CXADR: variants seen among roughly 807,000 people sequenced by gnomAD.
CXADR encodes CXADR cell adhesion molecule.
CXADR carries 20 observed loss-of-function variants against 40.3 expected under a neutral mutation model. The observed-to-expected ratio is 0.50, with a 90% CI of 0.35 to 0.72. The LOEUF is 0.72. CXADR is among the 30% of genes least tolerant of loss of function. The pLI is 0.01. For synonymous variants in CXADR, 150 were observed against 161.3 expected (o/e 0.93, Z 0.53); for missense variants, 332 against 449.1 (o/e 0.74, Z 2.36).
rs776329409 is a variant in CXADR at position 17,555,244 on chromosome 21, A to G, written c.415+3291A>G. Among the ~76,000 whole-genome samples, 6 of 152,186 alleles carry G rather than the reference A, an allele frequency of 3.9e-5. No homozygotes were observed. The East Asian group carries it at 5.8e-4, about 15-fold the overall frequency. Reference sequence around the variant, plus strand: ...CATGCACAGTTAACAATTCCTGGACATATATGGTATACTCCCACTGCACCA... The same window carrying G: ...CATGCACAGTTAACAATTCCTGGACGTATATGGTATACTCCCACTGCACCA... On this transcript the variant is annotated intron_variant, in intron 3 of 6. Transcript: ENST00000284878.
intron 1 of CXADR, among the ~76,000 whole-genome samples, chr21:17,522,923 T>A (rs2060549906): frequency 6.6e-6 from 1 of 152,250 alleles, no homozygotes; most frequent in Non-Finnish European, 1.5e-5. Flanking sequence ...CTCTCTCATA[T>A]TAATTGGCAT....
the CXADR span, among the ~76,000 whole-genome samples, chr21:17,617,385 A>T: frequency 2.0e-5 from 3 of 152,314 alleles, no homozygotes; most frequent in African/African-American, 7.2e-5. Context: ...TGAGTAATGC[A>T]TAAACTCCTA....
intron 3 of CXADR, among the ~76,000 whole-genome samples, chr21:17,556,740 A>G (rs573927468): frequency 3.9e-5 from 6 of 152,332 alleles, no homozygotes; most frequent in African/African-American, 1.4e-4. Context: ...GTTTGGAAAA[A>G]TCAACAGTGC....
At chr21:17,552,071 C>A in intron 3 of CXADR, 118 bp downstream of exon 3, 1 of 736,838 alleles carries the variant, frequency 1.4e-6, no homozygotes, top group Non-Finnish European at 2.2e-6. Context: ...CAATTTTAAA[C>A]ACTTGAAGTA....
the CXADR span, among the ~76,000 whole-genome samples, chr21:17,614,395 A>G: frequency 6.6e-6 from 1 of 152,340 alleles, no homozygotes; most frequent in East Asian, 1.9e-4. Context: ...TTAGAGCAGT[A>G]CCATATTCAA....
intron 1 of CXADR, among the ~76,000 whole-genome samples, chr21:17,523,034 C>T (rs2123125908): frequency 6.6e-6 from 1 of 152,296 alleles, no homozygotes; most frequent in East Asian, 1.9e-4. Flanking sequence ...TTGTGTCCCT[C>T]CAGCCACTAC....
chr21:17,577,346 C>T (rs1414343909), intron 7 of CXADR, among the ~76,000 whole-genome samples: 3 of 152,036 alleles, frequency 2.0e-5, no homozygotes, highest in African/African-American at 7.2e-5. Flanking sequence ...GTATCCTAAA[C>T]ATCTGTTGTT....
At position 17,585,666 on chromosome 21, in the gene CXADR, T is replaced by C. The variant is rs956656739; in HGVS notation, c.1018-7486T>C. Among the ~76,000 whole-genome samples, 113 of 152,170 alleles carry C rather than the reference T, an allele frequency of 7.4e-4. 1 individual carries two copies. Among genetic ancestry groups the C allele is most frequent in the East Asian group, 5.0e-3 (26 of 5,170 alleles). On this transcript the variant is annotated intron_variant, in intron 7 of 7. Coordinates refer to the CXADR transcript ENST00000400169. Reference sequence around the variant, plus strand: ...CTGAGTAGCTGGGATTACAGGCGCGTGCCACTACGCCCAGCTAATTTTTTT... The same window carrying C: ...CTGAGTAGCTGGGATTACAGGCGCGCGCCACTACGCCCAGCTAATTTTTTT...
the CXADR span, among the ~76,000 whole-genome samples, chr21:17,628,185 A>G: frequency 1.3e-5 from 2 of 152,348 alleles, 1 homozygote; most frequent in South Asian, 4.1e-4. Flanking sequence ...TTAGAAATGC[A>G]TAAGATATGG....
the CXADR span, among the ~76,000 whole-genome samples, chr21:17,607,737 AAG>A: frequency 6.6e-6 from 1 of 152,238 alleles, no homozygotes; most frequent in Admixed American, 6.5e-5. Flanking sequence ...ACACAAATAA[AAG>A]AGTATTTCTG....
intron 3 of CXADR, 115 bp from the exon 4 acceptor site, chr21:17,558,861 G>T (rs2061069772): frequency 9.6e-7 from 1 of 1,044,840 alleles, no homozygotes; most frequent in Admixed American, 3.0e-5. Flanking sequence ...TCATTCTTTT[G>T]TGAATTCTGA....
At chr21:17,534,789 C>CATTTTTTTTT in intron 1 of CXADR, among the ~76,000 whole-genome samples, 1 of 131,928 alleles carries the variant, frequency 7.6e-6, no homozygotes, top group African/African-American at 2.9e-5. Flanking sequence ...TATTTTCTTC[C>CATTTTTTTTT]TTTTTTTTTT....
At chr21:17,606,398 A>G in the CXADR span, among the ~76,000 whole-genome samples, 3 of 152,276 alleles carry the variant, frequency 2.0e-5, no homozygotes, top group African/African-American at 7.2e-5. Flanking sequence ...TAACAAAGGC[A>G]AAGTGAGAAA....
At chr21:17,603,056 TA>T in the CXADR span, among the ~76,000 whole-genome samples, 1 of 152,194 alleles carries the variant, frequency 6.6e-6, no homozygotes, top group Non-Finnish European at 1.5e-5. Flanking sequence ...CAACCCTCTT[TA>T]AAATGCTGCT....
exon 8 of CXADR, chr21:17,593,300 A>G: frequency 2.9e-6 from 3 of 1,026,384 alleles, no homozygotes; most frequent in South Asian, 8.1e-5. Context: ...CAGAGATTAG[A>G]GCAGCTGTAA....
At chr21:17,586,061 T>C (rs2061393496) in intron 7 of CXADR, among the ~76,000 whole-genome samples, 1 of 152,194 alleles carries the variant, frequency 6.6e-6, no homozygotes, top group Non-Finnish European at 1.5e-5. Flanking sequence ...GGAAATCTGA[T>C]GCCCTCTTGT....
downstream of CXADR, among the ~76,000 whole-genome samples, chr21:17,597,122 C>T (rs531832994): frequency 1.3e-5 from 2 of 151,908 alleles, no homozygotes; most frequent in Non-Finnish European, 2.9e-5. Context: ...TTAAAAAGCA[C>T]GTAAGAGACA....
intron 7 of CXADR, among the ~76,000 whole-genome samples, chr21:17,576,538 A>G (rs1206729261): frequency 6.6e-6 from 1 of 152,152 alleles, no homozygotes; most frequent in African/African-American, 2.4e-5. Context: ...TATTTACCTC[A>G]TATCTCACTA....
Position 17,518,734 on chromosome 21 carries a change from T to G in CXADR, c.43+5562T>G, listed in dbSNP as rs989054832. 1.9e-6 allele frequency: 3 copies of G among 1,595,482 alleles called. No homozygotes were observed. In the Admixed American group the frequency reaches 5.0e-5, roughly 27 times the overall value. On this transcript the variant is annotated intron_variant, in intron 1 of 6. Transcript: ENST00000284878. ...TTCTGTGATTGGTTTGGCTTCTGCA[T>G]GACCAGTAATTGCAAAGGTGTTAGC...
Sources: allele counts gnomAD v4.1 joint callset (sites outside exome capture counted in the v4.1 genomes callset), GRCh38; gene constraint gnomAD v4.1.1; transcripts MANE v1.5; gene names NCBI Gene and HGNC (gene_info 2026-07-23, HGNC 2026-07-21).